The following SYCP2 variants were observed in gnomAD, a reference collection of about 807,000 sequenced individuals.
SYCP2 encodes the protein synaptonemal complex lateral element protein.
Under a neutral mutation model 211.3 loss-of-function variants are expected in SYCP2, and 55 were observed. The ratio of observed to expected loss-of-function variants is 0.26; its 90% confidence interval spans 0.21 to 0.33. The LOEUF is 0.33. Ranked by LOEUF, SYCP2 falls within the 10% of genes least tolerant of loss-of-function variation. SYCP2 has a pLI of 1.00. For missense variants in SYCP2, 1,731 were observed against 1,752.0 expected (o/e 0.99, Z 0.21); for synonymous variants, 570 against 555.2 (o/e 1.03, Z -0.37).
At chr20:59,890,682 A>T (rs917469595) in intron 24 of SYCP2, among the ~76,000 whole-genome samples, 2 of 151,996 alleles carry the variant, frequency 1.3e-5, no homozygotes, top group African/African-American at 2.4e-5. Flanking sequence ...GACTGAAGAC[A>T]ATTTCTGAAA....
intron 24 of SYCP2, among the ~76,000 whole-genome samples, chr20:59,889,367 G>C (rs983269113): frequency 6.6e-6 from 1 of 151,484 alleles, no homozygotes; most frequent in African/African-American, 2.4e-5. Flanking sequence ...CTCATTTTTG[G>C]GACTAAAATT....
intron 3 of SYCP2, 144 bp downstream of exon 3, chr20:59,922,246 G>C (rs1393302421): frequency 2.6e-5 from 17 of 663,126 alleles, no homozygotes; most frequent in Non-Finnish European, 3.7e-5. Context: ...TACATGAAAG[G>C]ACACTTTATT....
chr20:59,915,683 G>A (rs2060426174), intron 8 of SYCP2, 133 bp from the exon 9 acceptor site: 1 of 621,192 alleles, frequency 1.6e-6, no homozygotes, highest in Admixed American at 2.9e-5. Flanking sequence ...AATGGAGTAG[G>A]ATGGAGGAAA....
intron 39 of SYCP2, among the ~76,000 whole-genome samples, chr20:59,866,979 A>AAAGCTTCTCTATTCAGATT (rs2059350207): frequency 6.7e-6 from 1 of 149,406 alleles, no homozygotes; most frequent in African/African-American, 2.5e-5. Flanking sequence ...TATATAAGTC[A>AAAGCTTCTCTATTCAGATT]AAGCTTCTCT....
At chr20:59,917,064 T>C (rs1356339000) in intron 7 of SYCP2, among the ~76,000 whole-genome samples, 3 of 152,180 alleles carry the variant, frequency 2.0e-5, no homozygotes, top group Admixed American at 1.3e-4. Flanking sequence ...CAAATGTGAC[T>C]GATTTTAATA....
chr20:59,928,931 A>G (rs1033551643), intron 2 of SYCP2, among the ~76,000 whole-genome samples: 1 of 152,204 alleles, frequency 6.6e-6, no homozygotes, highest in African/African-American at 2.4e-5. Context: ...CAAAACATAA[A>G]AAGTAATAGA....
intron 32 of SYCP2, 68 bp downstream of exon 32, chr20:59,877,940 G>C: frequency 1.6e-6 from 2 of 1,213,216 alleles, no homozygotes; most frequent in Non-Finnish European, 2.4e-6. Flanking sequence ...ATGAGATGAT[G>C]AATTATTTTT....
intron 39 of SYCP2, among the ~76,000 whole-genome samples, chr20:59,867,130 T>G (rs1472220466): frequency 3.0e-5 from 2 of 67,134 alleles, no homozygotes; most frequent in African/African-American, 1.1e-4. Flanking sequence ...AGGGTGTTGA[T>G]AACCTGTGCC....
intron 7 of SYCP2, 47 bp from the exon 8 acceptor site, chr20:59,916,618 CT>C: frequency 8.0e-7 from 1 of 1,252,570 alleles, no homozygotes; most frequent in Non-Finnish European, 1.2e-6. Flanking sequence ...TTCAAATCCT[CT>C]TAACTGTCAG....
At chr20:59,867,105 C>CGGGGGGGGGGG (rs373444865) in intron 39 of SYCP2, among the ~76,000 whole-genome samples, 4 of 3,464 alleles carry the variant, frequency 1.2e-3, no homozygotes, top group Admixed American at 4.8e-3. Flanking sequence ...AGACTGGGGG[C>CGGGGGGGGGGG]GGGGGGGGGG....
At chr20:59,932,837 G>C (rs2060788953) in intron 1 of SYCP2, among the ~76,000 whole-genome samples, 1 of 152,262 alleles carries the variant, frequency 6.6e-6, no homozygotes, top group East Asian at 1.9e-4. Flanking sequence ...GGCCTCAACC[G>C]CAAGGAGAGG....
chr20:59,866,363 A>G lies in SYCP2; in HGVS notation c.4250T>C (p.Ile1417Thr). The G allele has an allele frequency of 6.3e-7, 1 of 1,594,354 alleles. No homozygotes were observed. Among genetic ancestry groups the G allele is most frequent in the African/African-American group, 1.4e-5 (1 of 73,956 alleles). The change falls in exon 41 of 45, where the codon ATT (isoleucine) becomes ACT (threonine). Residue 1417 changes from isoleucine (I) to threonine (T), a missense_variant. Ile to Thr is a moderately conservative substitution (Grantham distance 89). Coordinates refer to ENST00000357552, the MANE Select transcript of SYCP2 (RefSeq NM_014258.4). ...RIKKLDKFQF[I>T]IIEELENFEK... ...AAAATTCTCCAGCTCCTCTATGATA[A>G]TGAATTGGAATTTATCAAGTTTTTT...
intron 44 of SYCP2, 137 bp from the exon 45 acceptor site, chr20:59,864,525 T>C: frequency 1.6e-6 from 1 of 612,332 alleles, no homozygotes; most frequent in Non-Finnish European, 2.9e-6. Context: ...GATATTGCAT[T>C]CTAACAGGTC....
chr20:59,877,609 C>A, intron 32 of SYCP2, 54 bp from the exon 33 acceptor site: 1 of 1,469,378 alleles, frequency 6.8e-7, no homozygotes, highest in Non-Finnish European at 9.2e-7. Flanking sequence ...ACAAGAAATA[C>A]AAGCAATTTG....
intron 24 of SYCP2, among the ~76,000 whole-genome samples, chr20:59,891,377 G>T (rs1201706819): frequency 6.6e-6 from 1 of 151,922 alleles, no homozygotes; most frequent in Non-Finnish European, 1.5e-5. Context: ...GAAGTCTGGT[G>T]GCAAAGTAGC....
At chr20:59,918,737 T>A (rs1428673752) in intron 7 of SYCP2, among the ~76,000 whole-genome samples, 1 of 152,156 alleles carries the variant, frequency 6.6e-6, no homozygotes, top group African/African-American at 2.4e-5. Context: ...AACCTCATTA[T>A]AGACAGGGAT....
Position 59,912,362 on chromosome 20 carries a change from TA to T in SYCP2, c.876+10del. 2.0e-6 allele frequency: 2 copies of T among 993,956 alleles called. No individual in the cohort carries two copies. Among genetic ancestry groups the T allele is most frequent in the South Asian group, 1.5e-5 (1 of 66,858 alleles). 61.6% of individuals were successfully genotyped at this position (993,956 alleles called of 1,614,324 possible). A position where few individuals can be genotyped will look rare whatever the true frequency, so the allele number is the denominator to read the frequency against. On this transcript the variant is annotated intron_variant, in intron 13 of 44. Coordinates refer to ENST00000357552, the MANE Select transcript of SYCP2 (RefSeq NM_014258.4). ...CAATAACTAAAATAATGTGTTAAAT[TA>T]AAATTTTACCTCATATTTATCAAGA...
Position 59,892,050 on chromosome 20 carries a change from T to G in SYCP2, c.2304A>C (p.Arg768Ser), listed in dbSNP as rs200252496. 11 of 1,610,388 alleles carry G rather than the reference T, an allele frequency of 6.8e-6. No homozygotes were observed. The East Asian group carries it at 2.2e-4, about 33-fold the overall frequency. The change falls in exon 24 of 45, where the codon AGA becomes AGC. Residue 768 changes from arginine to serine, a missense_variant. By Grantham distance (110) the Arg-to-Ser change is moderately radical (BLOSUM62 -1). Coordinates refer to ENST00000357552, the MANE Select transcript of SYCP2 (RefSeq NM_014258.4). ...PSASKNVQSH[R>S]KAEKELTSEL... ...CAGAAGTCAATTCTTTCTCTGCTTT[T>G]CTATGACTTTGCACATTTTTGCTAG...
At chr20:59,916,343 A>C in intron 8 of SYCP2, 143 bp downstream of exon 8, 1 of 593,534 alleles carries the variant, frequency 1.7e-6, no homozygotes. Context: ...TATTTCGGAA[A>C]TATGTCAGGC....
Sources: allele counts gnomAD v4.1 joint callset (sites outside exome capture counted in the v4.1 genomes callset), GRCh38; gene constraint gnomAD v4.1.1; transcripts MANE v1.5; gene names NCBI Gene and HGNC (gene_info 2026-07-23, HGNC 2026-07-21).